Variants in SERPINB7 observed in about 807,000 individuals in gnomAD.
SERPINB7 encodes serpin B7.
Under a neutral mutation model 37.4 loss-of-function variants are expected in SERPINB7, and 31 were observed. The ratio of observed to expected loss-of-function variants is 0.83; its 90% CI spans 0.62 to 1.12. The LOEUF is 1.12. Among genes scored for constraint, SERPINB7 ranks in the 50% most tolerant of loss-of-function variants. The probability of loss-of-function intolerance (pLI) is 0.00; values close to 1 mark genes in which losing one functional copy is unlikely to be tolerated. For missense variants in SERPINB7, 521 were observed against 455.3 expected (o/e 1.14, Z -1.31); for synonymous variants, 163 against 166.1 (o/e 0.98, Z 0.14).
intron 2 of SERPINB7, among the ~76,000 whole-genome samples, chr18:63,791,774 C>T (rs895038431): frequency 7.0e-6 from 1 of 142,136 alleles, no homozygotes; most frequent in African/African-American, 2.6e-5. Flanking sequence ...CCACAACCAG[C>T]TAATTTTTTG....
chr18:63,755,826 T>A (rs1049123019), intron 1 of SERPINB7, among the ~76,000 whole-genome samples: 10 of 152,240 alleles, frequency 6.6e-5, no homozygotes, highest in Admixed American at 4.6e-4. Context: ...CCCAGAAGTT[T>A]GAGGCAGCAA....
intron 7 of SERPINB7, among the ~76,000 whole-genome samples, chr18:63,803,521 G>A (rs2049572003): frequency 6.6e-6 from 1 of 152,180 alleles, no homozygotes; most frequent in Non-Finnish European, 1.5e-5. Flanking sequence ...GTATTCAAGA[G>A]CTGGTGAATT....
intron 2 of SERPINB7, among the ~76,000 whole-genome samples, chr18:63,785,135 C>G (rs1436295299): frequency 6.6e-6 from 1 of 152,210 alleles, no homozygotes; most frequent in Non-Finnish European, 1.5e-5. Flanking sequence ...GACACAAAAA[C>G]ATTCATCTAA....
chr18:63,761,108 G>A (rs943030377), intron 1 of SERPINB7, among the ~76,000 whole-genome samples: 10 of 152,214 alleles, frequency 6.6e-5, no homozygotes, highest in African/African-American at 1.9e-4. Context: ...AAGCAGCTGG[G>A]AGGCAGGCTG....
At chr18:63,783,214 G>GAAACAA (rs1354149163) in intron 2 of SERPINB7, among the ~76,000 whole-genome samples, 1 of 69,920 alleles carries the variant, frequency 1.4e-5, no homozygotes. Flanking sequence ...GAGAGAGAGA[G>GAAACAA]AGAGAGAGAG....
chr18:63,774,891 G>A (rs1288016490), upstream of SERPINB7, among the ~76,000 whole-genome samples: 4 of 152,108 alleles, frequency 2.6e-5, no homozygotes, highest in Non-Finnish European at 5.9e-5. Context: ...AGTACAAAGA[G>A]AAGCCAGCTC....
At chr18:63,759,488 T>C (rs2049140650) in intron 1 of SERPINB7, among the ~76,000 whole-genome samples, 1 of 152,186 alleles carries the variant, frequency 6.6e-6, no homozygotes. Flanking sequence ...TTTTCTTTTT[T>C]ATTGTAGTAC....
chr18:63,794,215 G>A (rs904015955), intron 4 of SERPINB7, among the ~76,000 whole-genome samples: 4 of 147,644 alleles, frequency 2.7e-5, no homozygotes, highest in African/African-American at 7.5e-5. Context: ...GCCCACATCA[G>A]CCGCCCAAAG....
chr18:63,778,942 T>C (rs2049276173), intron 1 of SERPINB7, among the ~76,000 whole-genome samples: 1 of 152,196 alleles, frequency 6.6e-6, no homozygotes, highest in Non-Finnish European at 1.5e-5. Flanking sequence ...AAAATATTTA[T>C]GCAAGAAACA....
chr18:63,785,889 T>TATATAATATACGTATATATACAC lies in SERPINB7; in HGVS notation c.168+3354_168+3355insATATACGTATATATACACATATA, dbSNP rs1568209144. On this transcript the variant is annotated intron_variant, in intron 2 of 7. Coordinates refer to ENST00000398019, the MANE Select transcript of SERPINB7 (RefSeq NM_003784.4). Reference sequence around the variant, plus strand: ...CATTTCCATTGAAATGCTTTATATATATATATAATATACGTATATATACAC... The same window carrying TATATAATATACGTATATATACAC: ...CATTTCCATTGAAATGCTTTATATATATATAATATACGTATATATACACATATATAATATACGTATATATACAC... Among the ~76,000 whole-genome samples, 26 of 136,060 alleles carry TATATAATATACGTATATATACAC rather than the reference T, an allele frequency of 1.9e-4. 7 individuals are homozygous for TATATAATATACGTATATATACAC. Among genetic ancestry groups the TATATAATATACGTATATATACAC allele is most frequent in the Admixed American group, 3.0e-4 (4 of 13,230 alleles). The allele number at this position is 136,060 out of a possible 152,430, so 89.3% of individuals were successfully genotyped here.
In SERPINB7 at chr18:63,804,391, T is replaced by C; in HGVS notation, c.899T>C (p.Phe300Ser). 1 of 1,613,848 alleles carries C rather than the reference T, an allele frequency of 6.2e-7. No individual in the cohort carries two copies. The highest frequency in any genetic ancestry group is 8.5e-7 in the Non-Finnish European group (1 of 1,179,876). ...AGAGCCCTAGGGCTGAAAGATATCT[T>C]TGATGAATCCAAAGCAGATCTCTCT... ...YLRALGLKDI[F>S]DESKADLSGI... is the part of the protein sequence containing the mutation. The change falls in exon 8 of 8, where the codon TTT (phenylalanine) becomes TCT (serine). Residue 300 changes from phenylalanine to serine, a missense_variant. Coordinates refer to ENST00000398019, the MANE Select transcript of SERPINB7 (RefSeq NM_003784.4).
chr18:63,791,637 G>A (rs1206836214), intron 2 of SERPINB7, among the ~76,000 whole-genome samples: 5 of 151,416 alleles, frequency 3.3e-5, no homozygotes, highest in Admixed American at 2.0e-4. Context: ...TTGAGATGGC[G>A]TCTCACTCTG....
chr18:63,774,116 C>T (rs909297312), upstream of SERPINB7, among the ~76,000 whole-genome samples: 6 of 152,000 alleles, frequency 3.9e-5, no homozygotes, highest in Admixed American at 6.6e-5. Context: ...CAACAACCTT[C>T]TCCTTCAGAA....
At chr18:63,754,988 T>C (rs940915984) in intron 1 of SERPINB7, among the ~76,000 whole-genome samples, 246 of 142,504 alleles carry the variant, frequency 1.7e-3, no homozygotes, top group Non-Finnish European at 2.6e-3. Context: ...CAAGCTCCGC[T>C]TCCCGGGTTC....
At position 63,798,683 on chromosome 18, in the gene SERPINB7, AG is replaced by A; in HGVS notation, c.536del (p.Gly179AlafsTer13). The A allele has an allele frequency of 1.2e-6, 2 of 1,613,182 alleles. No individual in the cohort carries two copies. Among genetic ancestry groups the A allele is most frequent in the South Asian group, 2.2e-5 (2 of 90,810 alleles). Reference protein sequence around the residue: ...MVLVNAVYFKGKWQSAFTKSE... With the variant: ...MVLVNAVYFKXKWQSAFTKSE... Reference sequence around the variant, plus strand: ...TGCTGGTGAATGCTGTGTACTTCAAAGGCAAGTGGCAATCAGCCTTCACCAA... The same window carrying A: ...TGCTGGTGAATGCTGTGTACTTCAAAGCAAGTGGCAATCAGCCTTCACCAA... On this transcript the variant is annotated frameshift_variant, in exon 6 of 8. Coordinates refer to ENST00000398019, the MANE Select transcript of SERPINB7 (RefSeq NM_003784.4). LOFTEE classifies it high-confidence loss of function.
intron 2 of SERPINB7, among the ~76,000 whole-genome samples, chr18:63,782,964 C>T (rs1428054548): frequency 6.6e-6 from 1 of 151,568 alleles, no homozygotes; most frequent in Non-Finnish European, 1.5e-5. Context: ...CGGTGAAACC[C>T]CGTCTCTACT....
chr18:63,785,680 T>G (rs928868532), intron 2 of SERPINB7, among the ~76,000 whole-genome samples: 1 of 151,920 alleles, frequency 6.6e-6, no homozygotes, highest in East Asian at 1.9e-4. Context: ...GCGTATTTAC[T>G]GACAAAGTCA....
intron 1 of SERPINB7, among the ~76,000 whole-genome samples, chr18:63,756,259 CAT>C (rs2049121518): frequency 6.6e-6 from 1 of 152,136 alleles, no homozygotes. Flanking sequence ...GTTTCTTCCA[CAT>C]GTTTTTACCT....
In SERPINB7 at chr18:63,796,264, AG is replaced by A. The variant is rs2049486791; in HGVS notation, c.337del. Reference sequence around the variant, plus strand: ...ATACGAGAACTATATTCTTCTTTATAGGACTACATTGAGTGTGCCGAAAAAT... The same window carrying A: ...ATACGAGAACTATATTCTTCTTTATAGACTACATTGAGTGTGCCGAAAAAT... On this transcript the variant is annotated splice_acceptor_variant, in intron 4 of 7. Coordinates refer to ENST00000398019, the MANE Select transcript of SERPINB7 (RefSeq NM_003784.4). LOFTEE classifies it high-confidence loss of function. 1 of 1,538,070 alleles carries A rather than the reference AG, an allele frequency of 6.5e-7. No homozygotes were observed. The highest frequency in any genetic ancestry group is 1.4e-5 in the African/African-American group (1 of 73,330).
Sources: allele counts gnomAD v4.1 joint callset (sites outside exome capture counted in the v4.1 genomes callset), GRCh38; gene constraint gnomAD v4.1.1; transcripts MANE v1.5; gene names NCBI Gene and HGNC (gene_info 2026-07-23, HGNC 2026-07-21).